The following DNAJC15 variants were observed in gnomAD, a reference collection of about 807,000 sequenced individuals.
DNAJC15 encodes DnaJ heat shock protein family (Hsp40) member C15.
In DNAJC15, 27 loss-of-function variants were observed where a neutral mutation model predicts 22.4. The observed-to-expected ratio is 1.20, with a 90% CI of 0.89 to 1.66. The LOEUF (loss-of-function observed/expected upper bound fraction) is 1.66, where lower values mean the gene tolerates loss of function less well. Among genes scored for constraint, DNAJC15 ranks in the 40% most tolerant of loss-of-function variants. The pLI is 0.00. For synonymous variants in DNAJC15, 79 were observed against 63.2 expected (o/e 1.25, Z -1.19); for missense variants, 208 against 187.1 (o/e 1.11, Z -0.65).
At chr13:43,061,848 A>G (rs1008188638) in intron 1 of DNAJC15, among the ~76,000 whole-genome samples, 1 of 152,238 alleles carries the variant, frequency 6.6e-6, no homozygotes, top group Admixed American at 6.5e-5. Flanking sequence ...TGTTTAAACT[A>G]TAAGGATAAA....
At chr13:43,056,310 G>A (rs1478888510) in intron 1 of DNAJC15, among the ~76,000 whole-genome samples, 1 of 151,954 alleles carries the variant, frequency 6.6e-6, no homozygotes. Flanking sequence ...GGCTAATTTT[G>A]TATTTTTAGT....
At chr13:43,031,820 G>C (rs976002089) in intron 1 of DNAJC15, among the ~76,000 whole-genome samples, 4 of 152,194 alleles carry the variant, frequency 2.6e-5, no homozygotes, top group African/African-American at 9.7e-5. Flanking sequence ...TATTCTCTTT[G>C]TTTCTCTTTC....
At chr13:43,056,633 C>T (rs1486907725) in intron 1 of DNAJC15, among the ~76,000 whole-genome samples, 1 of 152,068 alleles carries the variant, frequency 6.6e-6, no homozygotes, top group East Asian at 1.9e-4. Context: ...GTGAAGTCCC[C>T]CACTGTTATT....
At chr13:43,093,819 T>C (rs897687640) in intron 5 of DNAJC15, among the ~76,000 whole-genome samples, 1 of 152,184 alleles carries the variant, frequency 6.6e-6, no homozygotes, top group Non-Finnish European at 1.5e-5. Context: ...ATATATCTTT[T>C]CCACAATAAA....
intron 1 of DNAJC15, among the ~76,000 whole-genome samples, chr13:43,035,268 G>A (rs975819977): frequency 6.6e-6 from 1 of 152,154 alleles, no homozygotes; most frequent in Non-Finnish European, 1.5e-5. Flanking sequence ...GAGAGAAAGA[G>A]ACTCATTAAC....
intron 1 of DNAJC15, among the ~76,000 whole-genome samples, chr13:43,042,715 A>G (rs1566202202): frequency 6.6e-6 from 1 of 152,086 alleles, no homozygotes. Context: ...GAGATTCTTG[A>G]GGCAGTATTT....
chr13:43,086,705 A>G (rs1330517035), intron 5 of DNAJC15, among the ~76,000 whole-genome samples: 1 of 152,258 alleles, frequency 6.6e-6, no homozygotes, highest in Admixed American at 6.5e-5. Flanking sequence ...ACATGAGAAT[A>G]AACTTTCAAA....
chr13:43,098,861 T>C lies in DNAJC15; in HGVS notation c.383-8317T>C, dbSNP rs984940360. 2.0e-5 allele frequency among the ~76,000 whole-genome samples: 3 copies of C among 152,214 alleles called. No homozygotes were observed. The South Asian group carries it at 6.2e-4, about 32-fold the overall frequency. On this transcript the variant is annotated intron_variant, in intron 5 of 5. Transcript: ENST00000379221. ...TTTATTCTTATTTTGTAGAATTGTT[T>C]TGGCTATTATGGTCCTTCCATAATA...
intron 4 of DNAJC15, among the ~76,000 whole-genome samples, chr13:43,080,886 C>G (rs1420687028): frequency 1.3e-5 from 2 of 152,200 alleles, no homozygotes; most frequent in Non-Finnish European, 2.9e-5. Context: ...CTGCTTTCCT[C>G]TAGCCCTTTC....
chr13:43,024,745 T>G (rs570810891), intron 1 of DNAJC15, among the ~76,000 whole-genome samples: 2 of 151,928 alleles, frequency 1.3e-5, no homozygotes, highest in Admixed American at 6.6e-5. Context: ...CACAGTTGCA[T>G]GGTAATTTTC....
At chr13:43,104,749 G>A (rs2040788148) in intron 5 of DNAJC15, among the ~76,000 whole-genome samples, 1 of 150,832 alleles carries the variant, frequency 6.6e-6, no homozygotes, top group Admixed American at 6.6e-5. Flanking sequence ...GAGTGCAGTG[G>A]TGCGATCAAG....
chr13:43,097,489 T>C (rs2040745298), intron 5 of DNAJC15, among the ~76,000 whole-genome samples: 4 of 152,196 alleles, frequency 2.6e-5, no homozygotes. Context: ...TGCTATTACC[T>C]GTTATGCAGT....
intron 1 of DNAJC15, among the ~76,000 whole-genome samples, chr13:43,032,042 G>A (rs143139463): frequency 3.7e-4 from 57 of 152,332 alleles, no homozygotes; most frequent in African/African-American, 1.3e-3. Flanking sequence ...AGGAGTTGGT[G>A]TTTTTCAAAA....
At chr13:43,059,849 C>T (rs899206700) in intron 1 of DNAJC15, among the ~76,000 whole-genome samples, 17 of 151,852 alleles carry the variant, frequency 1.1e-4, no homozygotes, top group African/African-American at 3.4e-4. Context: ...CAATGTTTCG[C>T]GGGCATGGGG....
intron 5 of DNAJC15, among the ~76,000 whole-genome samples, chr13:43,106,555 A>C (rs1299426142): frequency 3.3e-5 from 5 of 152,118 alleles, no homozygotes; most frequent in Admixed American, 3.3e-4. Flanking sequence ...AAATATTCGA[A>C]TAGAATCATT....
At chr13:43,053,333 A>G (rs1043124119) in intron 1 of DNAJC15, among the ~76,000 whole-genome samples, 10 of 152,152 alleles carry the variant, frequency 6.6e-5, no homozygotes, top group Admixed American at 1.3e-4. Context: ...AAGTCAGGTA[A>G]TGTGATGCCT....
chr13:43,030,522 CA>C (rs375779250), intron 1 of DNAJC15, among the ~76,000 whole-genome samples: 6 of 152,230 alleles, frequency 3.9e-5, no homozygotes, highest in African/African-American at 1.4e-4. Context: ...AAATTTGGAG[CA>C]AATTTAAATG....
chr13:43,048,915 T>A (rs1192660847), intron 1 of DNAJC15, among the ~76,000 whole-genome samples: 1 of 152,072 alleles, frequency 6.6e-6, no homozygotes, highest in Admixed American at 6.5e-5. Context: ...AATCGTCAGA[T>A]AAAATGTTTC....
At chr13:43,104,221 G>A (rs779178434) in intron 5 of DNAJC15, among the ~76,000 whole-genome samples, 1 of 151,956 alleles carries the variant, frequency 6.6e-6, no homozygotes, top group South Asian at 2.1e-4. Context: ...CCACAGCCTG[G>A]GCAATCACCA....
Sources: gnomAD v4.1 joint callset for allele counts (sites outside exome capture counted in the v4.1 genomes callset) on GRCh38, gnomAD v4.1.1 for gene constraint, MANE v1.5 for transcripts, NCBI Gene and HGNC (gene_info 2026-07-23, HGNC 2026-07-21) for gene names.